The following SEMA4D variants were observed in gnomAD, a reference collection of about 807,000 sequenced individuals.
The protein encoded by SEMA4D is semaphorin 4D.
SEMA4D carries 22 observed loss-of-function variants against 74.8 expected under a neutral mutation model. The observed-to-expected ratio is 0.29, with a 90% CI of 0.21 to 0.42. The LOEUF (loss-of-function observed/expected upper bound fraction) is 0.42. SEMA4D is among the 10% of genes least tolerant of loss of function. SEMA4D has a pLI of 1.00. For synonymous variants in SEMA4D, 445 were observed against 463.7 expected (o/e 0.96, Z 0.52); for missense variants, 937 against 1,118.4 (o/e 0.84, Z 2.31).
intron 2 of SEMA4D, among the ~76,000 whole-genome samples, chr9:89,406,993 C>T (rs911873766): frequency 6.8e-6 from 1 of 148,062 alleles, no homozygotes; most frequent in African/African-American, 2.5e-5. Flanking sequence ...GGTGCTGCTG[C>T]TCAGCCTCAA....
At chr9:89,457,417 C>T (rs1856210043) in intron 1 of SEMA4D, among the ~76,000 whole-genome samples, 1 of 152,206 alleles carries the variant, frequency 6.6e-6, no homozygotes, top group Admixed American at 6.5e-5. Context: ...TATCCAAACA[C>T]TGAAGTGTAT....
At chr9:89,451,923 C>T (rs961041322) in intron 2 of SEMA4D, among the ~76,000 whole-genome samples, 9 of 152,204 alleles carry the variant, frequency 5.9e-5, no homozygotes, top group Non-Finnish European at 1.0e-4. Context: ...CAAGGCATCT[C>T]GGCTCTGATC....
intron 2 of SEMA4D, among the ~76,000 whole-genome samples, chr9:89,445,108 G>A (rs1417817459): frequency 6.6e-6 from 1 of 152,196 alleles, no homozygotes. Flanking sequence ...TCAGTTTATA[G>A]TGTTTCATGC....
chr9:89,416,535 G>A (rs1318679428), intron 2 of SEMA4D, among the ~76,000 whole-genome samples: 9 of 151,980 alleles, frequency 5.9e-5, no homozygotes, highest in East Asian at 1.9e-4. Flanking sequence ...ACACAGCCAC[G>A]GACACACAGG....
downstream of SEMA4D, chr9:89,377,053 T>C: frequency 2.0e-6 from 3 of 1,531,142 alleles, no homozygotes; most frequent in South Asian, 3.6e-5. Context: ...GAGACGAGGC[T>C]GTGAGACAGA....
At chr9:89,430,392 C>G (rs1849016775) in intron 2 of SEMA4D, among the ~76,000 whole-genome samples, 1 of 152,194 alleles carries the variant, frequency 6.6e-6, no homozygotes, top group African/African-American at 2.4e-5. Context: ...AGACAACTGA[C>G]TGTGACTGCC....
chr9:89,485,280 C>T (rs1220600165), intron 1 of SEMA4D, among the ~76,000 whole-genome samples: 2 of 152,186 alleles, frequency 1.3e-5, no homozygotes, highest in African/African-American at 2.4e-5. Flanking sequence ...ATATTTTACA[C>T]TAGATTTTCA....
At chr9:89,413,279 G>A (rs976102762) in intron 2 of SEMA4D, among the ~76,000 whole-genome samples, 2 of 152,180 alleles carry the variant, frequency 1.3e-5, no homozygotes, top group Non-Finnish European at 2.9e-5. Context: ...AACTCCAAGG[G>A]GGCTCTGAGC....
chr9:89,396,479 A>G (rs555182930), intron 6 of SEMA4D, among the ~76,000 whole-genome samples: 12 of 152,152 alleles, frequency 7.9e-5, no homozygotes, highest in Non-Finnish European at 1.5e-4. Context: ...GGCTCCCAGC[A>G]CCTTGAGCTG....
At chr9:89,410,573 GA>G (rs1844302421) in intron 2 of SEMA4D, among the ~76,000 whole-genome samples, 2 of 152,318 alleles carry the variant, frequency 1.3e-5, no homozygotes, top group African/African-American at 2.4e-5. Context: ...TAGCAGAGAT[GA>G]AAAAAAGGGG....
intron 13 of SEMA4D, among the ~76,000 whole-genome samples, chr9:89,382,617 G>A (rs1837385462): frequency 6.6e-6 from 1 of 152,238 alleles, no homozygotes; most frequent in South Asian, 2.1e-4. Flanking sequence ...GGCAGATGAG[G>A]CCATGTGTGA....
intron 1 of SEMA4D, among the ~76,000 whole-genome samples, chr9:89,476,460 A>AGTAAAGCAAATG (rs1388705420): frequency 6.6e-6 from 1 of 152,186 alleles, no homozygotes; most frequent in Middle Eastern, 3.2e-3. Context: ...AGAGGCTTTG[A>AGTAAAGCAAATG]GTAAAGCAAA....
intron 16 of SEMA4D, chr9:89,365,160 A>G (rs994367233): frequency 1.3e-5 from 2 of 152,296 alleles, no homozygotes; most frequent in South Asian, 2.1e-4. Flanking sequence ...GGGGGGCCAC[A>G]GTCCCACTAA....
At chr9:89,405,258 T>C (rs180849907) in intron 3 of SEMA4D, 93 bp downstream of exon 3, 10 of 1,066,480 alleles carry the variant, frequency 9.4e-6, no homozygotes, top group Middle Eastern at 4.0e-4. Flanking sequence ...GGAAGTGGGG[T>C]CCCTGTCCCG....
chr9:89,379,340 C>T lies in SEMA4D; in HGVS notation c.1953G>A (p.Lys651=). 6.2e-7 allele frequency: 1 copy of T among 1,614,168 alleles called. No homozygotes were observed. The highest frequency in any genetic ancestry group is 2.2e-5 in the East Asian group (1 of 44,876). The part of the protein sequence containing the change: ...KHVLEVKVVP[K]PVVAPTLSVV... ...CTGACAAGGTGGGGGCCACTACGGG[C>T]TTTGGAACCACCTTCACTTCCAGGA... Residue 651 remains lysine (K), a synonymous_variant, in exon 16 of 16, where the codon AAG becomes AAA. Transcript: ENST00000422704.
chr9:89,464,639 T>TC (rs1161999078), intron 1 of SEMA4D, among the ~76,000 whole-genome samples: 1 of 152,140 alleles, frequency 6.6e-6, no homozygotes, highest in Non-Finnish European at 1.5e-5. Flanking sequence ...CCCACTGGTC[T>TC]CCCCAGAGTG....
intron 12 of SEMA4D, chr9:89,386,787 G>A: frequency 3.3e-6 from 1 of 307,382 alleles, no homozygotes; most frequent in Non-Finnish European, 6.2e-6. Flanking sequence ...CCACATGAGG[G>A]GGCTCCCATG....
chr9:89,488,352 CTT>C (rs1158168446), intron 1 of SEMA4D, among the ~76,000 whole-genome samples: 56 of 62,606 alleles, frequency 8.9e-4, no homozygotes, highest in African/African-American at 3.1e-3. Flanking sequence ...GATCACAGAT[CTT>C]TTTTTTTTTT....
intron 1 of SEMA4D, among the ~76,000 whole-genome samples, chr9:89,473,446 A>C (rs1380054019): frequency 6.6e-6 from 1 of 151,432 alleles, no homozygotes; most frequent in Non-Finnish European, 1.5e-5. Context: ...AAAAATTTAA[A>C]AACTAGCCAG....
Sources: allele counts gnomAD v4.1 joint callset (sites outside exome capture counted in the v4.1 genomes callset), GRCh38; gene constraint gnomAD v4.1.1; transcripts MANE v1.5; gene names NCBI Gene and HGNC (gene_info 2026-07-23, HGNC 2026-07-21).